The following LRRC27 variants were observed in gnomAD, a reference collection of about 807,000 sequenced individuals.
LRRC27 encodes leucine rich repeat containing 27.
A neutral mutation model predicts 55.0 loss-of-function variants in LRRC27; 57 were observed. The observed-to-expected ratio is 1.04, with a 90% confidence interval of 0.84 to 1.29. LRRC27 has a LOEUF of 1.29. Among genes scored for constraint, LRRC27 ranks in the 50% most tolerant of loss-of-function variants. LRRC27 has a pLI of 0.00. For synonymous variants in LRRC27, 278 were observed against 251.9 expected, an observed-to-expected ratio of 1.10 and a Z score of -0.98; for missense variants, 721 against 651.5, an observed-to-expected ratio of 1.11 and a Z score of -1.16.
rs1241747181 is a variant in LRRC27, at chr10:132,376,046, G to A, written c.*804G>A. ...GACTATTCAGACTTTGTTTATTTTTGTGTTAATTTTGGTAAATATGGTTTC... is the reference window on the plus strand; with the variant it reads ...GACTATTCAGACTTTGTTTATTTTTATGTTAATTTTGGTAAATATGGTTTC... On this transcript the variant is annotated 3_prime_UTR_variant, in exon 11 of 11. Coordinates refer to ENST00000368614, the MANE Select transcript of LRRC27 (RefSeq NM_030626.3). 2 of 152,154 alleles carry A rather than the reference G, an allele frequency of 1.3e-5. No homozygotes were observed. The highest frequency in any genetic ancestry group is 6.5e-5 in the Admixed American group (1 of 15,274). 9.4% of individuals were successfully genotyped at this position (152,154 alleles called of 1,614,324 possible).
At chr10:132,366,393 A>T (rs559081844) in intron 10 of LRRC27, 1 of 152,564 alleles carries the variant, frequency 6.6e-6, no homozygotes, top group South Asian at 2.1e-4. Flanking sequence ...TTGGAATGTT[A>T]ACCATCCTCT....
Position 132,375,286 on chromosome 10 carries a change from G to T in LRRC27, c.*44G>T. On this transcript the variant is annotated 3_prime_UTR_variant, in exon 11 of 11. Transcript: ENST00000368614. ...ATGGAGACGTCTTCAGACAGGAGCC[G>T]CTCAGTCTTCTTTCCCGGGCGTCGC... 6.4e-7 allele frequency: 1 copy of T among 1,558,122 alleles called. No individual in the cohort carries two copies. The highest frequency in any genetic ancestry group is 1.2e-5 in the South Asian group (1 of 85,700).
intron 9 of LRRC27, among the ~76,000 whole-genome samples, chr10:132,363,233 C>G (rs552916995): frequency 0.012 from 1,585 of 133,760 alleles, 258 homozygotes; most frequent in African/African-American, 0.042. Context: ...CACAGCAGCT[C>G]GGGGGTCAGG....
rs74893261 is a variant in LRRC27 at position 132,365,179 on chromosome 10, G to T, written c.1290-245G>T. Among the ~76,000 whole-genome samples, 111 of 152,346 alleles carry T rather than the reference G, an allele frequency of 7.3e-4. 2 individuals carry two copies. The East Asian group carries it at 0.019, about 26-fold the overall frequency. On this transcript the variant is annotated intron_variant, in intron 9 of 10. Transcript: ENST00000368614. ...AATAAGAATAGTGTGTGTTCTGGCA[G>T]CTTCTGAACTACTGAAGAAGGGATG...
At chr10:132,367,981 T>G (rs1181712139) in intron 10 of LRRC27, among the ~76,000 whole-genome samples, 1 of 152,234 alleles carries the variant, frequency 6.6e-6, no homozygotes, top group Non-Finnish European at 1.5e-5. Context: ...AAAAATTTCC[T>G]GAAACTAATA....
chr10:132,364,519 G>GCACTCACACCCACCCA (rs2068889890), intron 9 of LRRC27, among the ~76,000 whole-genome samples: 1 of 7,778 alleles, frequency 1.3e-4, no homozygotes, highest in Non-Finnish European at 2.5e-4. Flanking sequence ...CTCCACACTC[G>GCACTCACACCCACCCA]CACTTACACC....
intron 6 of LRRC27, among the ~76,000 whole-genome samples, chr10:132,349,514 C>T (rs751258904): frequency 1.3e-5 from 2 of 152,192 alleles, no homozygotes; most frequent in Non-Finnish European, 1.5e-5. Flanking sequence ...GTTCTTAGTC[C>T]ACACAGTCGC....
At chr10:132,362,944 C>T (rs868743739) in intron 9 of LRRC27, among the ~76,000 whole-genome samples, 1 of 119,692 alleles carries the variant, frequency 8.4e-6, no homozygotes. Context: ...ACCCTTCTCA[C>T]CTCACACCAG....
Position 132,378,234 on chromosome 10 carries a change from G to T in LRRC27, c.*2992G>T, listed in dbSNP as rs10870302. ...ATTTGTTGCTCCTTTGAAGGTAATGGGTCTTTTTTCTTTGTCTTAAAATTG... is the reference window on the plus strand; with the variant it reads ...ATTTGTTGCTCCTTTGAAGGTAATGTGTCTTTTTTCTTTGTCTTAAAATTG... On this transcript the variant is annotated 3_prime_UTR_variant, in exon 11 of 11. Transcript: ENST00000368614. The T allele has an allele frequency of 0.52, 78,825 of 151,662 alleles. 22,353 individuals carry two copies. The highest frequency in any genetic ancestry group is 0.74 in the African/African-American group (30,571 of 41,320). 9.4% of individuals were successfully genotyped at this position (151,662 alleles called of 1,614,324 possible).
chr10:132,333,833 G>A, intron 2 of LRRC27, 99 bp downstream of exon 2: 2 of 891,090 alleles, frequency 2.2e-6, no homozygotes, highest in Non-Finnish European at 3.4e-6. Context: ...CTTTCTCTTT[G>A]GAATTGATGA....
At chr10:132,355,631 A>G (rs984640574) in intron 7 of LRRC27, among the ~76,000 whole-genome samples, 159 bp from the exon 8 acceptor site, 1 of 152,224 alleles carries the variant, frequency 6.6e-6, no homozygotes, top group African/African-American at 2.4e-5. Context: ...GCCGGGAGGA[A>G]GAGGCTGTGG....
At position 132,372,550 on chromosome 10, in the gene LRRC27, A is replaced by T. The variant is rs1238509828; in HGVS notation, c.1417-2516A>T. On this transcript the variant is annotated intron_variant, in intron 10 of 10. Coordinates refer to ENST00000368614, the MANE Select transcript of LRRC27 (RefSeq NM_030626.3). The surrounding 1 kb of genome is among the most constrained non-coding windows in gnomAD (Gnocchi z 4.0). ...ACCATCGCACTCCAGCCTGGGCAAC[A>T]AGAGCGAAACTCCATTTCAAAAAAC... Among the ~76,000 whole-genome samples, 1 of 152,210 alleles carries T rather than the reference A, an allele frequency of 6.6e-6. No homozygotes were observed. Among genetic ancestry groups the T allele is most frequent in the African/African-American group, 2.4e-5 (1 of 41,454 alleles).
At chr10:132,353,166 G>A in intron 7 of LRRC27, 2 of 1,429,286 alleles carry the variant, frequency 1.4e-6, no homozygotes, top group Non-Finnish European at 1.8e-6. Context: ...CCAGCAGGAG[G>A]TCGAGGAGGA....
At position 132,375,369 on chromosome 10, in the gene LRRC27, C is replaced by T. The variant is rs1174157157; in HGVS notation, c.*127C>T. Reference sequence around the variant, plus strand: ...AGTGTTACCCTGAGGGCTGATTTCGCGCAGCCTGTTGTTTTCCTTAGACAG... The same window carrying T: ...AGTGTTACCCTGAGGGCTGATTTCGTGCAGCCTGTTGTTTTCCTTAGACAG... On this transcript the variant is annotated 3_prime_UTR_variant, in exon 11 of 11. Transcript: ENST00000368614. 2 of 810,056 alleles carry T rather than the reference C, an allele frequency of 2.5e-6. No homozygotes were observed. Among genetic ancestry groups the T allele is most frequent in the Admixed American group, 2.9e-5 (1 of 35,002 alleles). The allele number at this position is 810,056 out of a possible 1,614,324, so 50.2% of individuals were successfully genotyped here. A position where few individuals can be genotyped will look rare whatever the true frequency, so the allele number is the denominator to read the frequency against.
Position 132,355,870 on chromosome 10 carries a change from C to T in LRRC27, c.1154C>T (p.Pro385Leu). The change falls in exon 8 of 11, where the codon CCT becomes CTT. Residue 385 changes from proline (P) to leucine (L), a missense_variant. By Grantham distance (98) the Pro-to-Leu change is moderately conservative. Coordinates refer to ENST00000368614, the MANE Select transcript of LRRC27 (RefSeq NM_030626.3). ...AAGGAAGAGCTCAGCAAACTCCTGC[C>T]TCCGCGGAGGAGCATGGTACGGCAC... is the stretch of plus-strand genomic sequence containing the variant. ...KRKEELSKLL[P>L]PRRSMVASKI... 2 of 1,555,232 alleles carry T rather than the reference C, an allele frequency of 1.3e-6. No individual in the cohort carries two copies. The highest frequency in any genetic ancestry group is 1.7e-6 in the Non-Finnish European group (2 of 1,149,044).
Position 132,364,375 on chromosome 10 carries a change from ACC to A in LRRC27, c.1290-1047_1290-1046del, listed in dbSNP as rs1564852924. The stretch of plus-strand genomic sequence containing the variant: ...TACCTCCACACCCGCGCTTACACCC[ACC>A]CACACTTACACCCACCCTTACATCT... On this transcript the variant is annotated intron_variant, in intron 9 of 10. Coordinates refer to ENST00000368614, the MANE Select transcript of LRRC27 (RefSeq NM_030626.3). Among the ~76,000 whole-genome samples the A allele has an allele frequency of 1.3e-3, 127 of 95,484 alleles. 8 individuals carry two copies. Among genetic ancestry groups the A allele is most frequent in the African/African-American group, 5.8e-3 (114 of 19,568 alleles). 62.6% of individuals were successfully genotyped at this position (95,484 alleles called of 152,430 possible). A position where few individuals can be genotyped will look rare whatever the true frequency, so the allele number is the denominator to read the frequency against.
rs992552347 is a variant in LRRC27, at chr10:132,380,715, G to A, written c.*5473G>A. Among the ~76,000 whole-genome samples the A allele has an allele frequency of 3.3e-5, 5 of 152,194 alleles. No individual in the cohort carries two copies. The highest frequency in any genetic ancestry group is 7.3e-5 in the Non-Finnish European group (5 of 68,030). Reference sequence around the variant, plus strand: ...TATTTTTCATGTTGAGCGCAATACTGTAAACCTTGAAGAACACTTTGGGAC... The same window carrying A: ...TATTTTTCATGTTGAGCGCAATACTATAAACCTTGAAGAACACTTTGGGAC... On this transcript the variant is annotated 3_prime_UTR_variant, in exon 11 of 11. Coordinates refer to ENST00000368614, the MANE Select transcript of LRRC27 (RefSeq NM_030626.3).
rs1045722139 is a variant in LRRC27 at position 132,348,442 on chromosome 10, A to G, written c.926+86A>G. 2.4e-5 allele frequency: 37 copies of G among 1,523,280 alleles called. No homozygotes were observed. In the African/African-American group the frequency reaches 4.9e-4, roughly 20 times the overall value. The allele number at this position is 1,523,280 out of a possible 1,614,324, so 94.4% of individuals were successfully genotyped here. On this transcript the variant is annotated intron_variant, in intron 6 of 10. Transcript: ENST00000368614. This position sits in a 1 kb window ranked among gnomAD's most constrained non-coding sequence, Gnocchi z 4.2. ...AATTATCTTTGAAAACATCAGGTCC[A>G]GCTTTTAAAGTGTCCTCCACGTTGC...
chr10:132,330,242 AAAC>A (rs1277546648), upstream of LRRC27: 3 of 559,978 alleles, frequency 5.4e-6, no homozygotes, highest in African/African-American at 5.7e-5. Flanking sequence ...GAAAAATGTG[AAAC>A]AAAAACCTGA....
Sources: allele counts gnomAD v4.1 joint callset (sites outside exome capture counted in the v4.1 genomes callset), GRCh38; gene constraint gnomAD v4.1.1; non-coding constraint Gnocchi (gnomAD v3.1); transcripts MANE v1.5; gene names NCBI Gene and HGNC (gene_info 2026-07-23, HGNC 2026-07-21).